Variants in PDE4D observed in about 807,000 individuals in gnomAD.
The protein encoded by PDE4D is 3',5'-cyclic-AMP phosphodiesterase 4D.
PDE4D carries 24 observed loss-of-function variants against 87.4 expected under a neutral mutation model. The ratio of observed to expected loss-of-function variants is 0.27; its 90% CI spans 0.20 to 0.39. The LOEUF (loss-of-function observed/expected upper bound fraction) is 0.39. Among genes scored for constraint, PDE4D ranks in the 10% least tolerant of loss-of-function variants. PDE4D has a pLI of 1.00. For synonymous variants in PDE4D, 384 were observed against 383.2 expected (o/e 1.00, Z -0.02); for missense variants, 714 against 1,041.0 (o/e 0.69, Z 4.32).
chr5:60,139,735 A>G (rs994192261), intron 2 of PDE4D, among the ~76,000 whole-genome samples: 2 of 152,084 alleles, frequency 1.3e-5, no homozygotes, highest in Admixed American at 1.3e-4. Flanking sequence ...GAGTAGTCTA[A>G]GAAGAAAAAT....
At chr5:59,448,871 G>A (rs1798730539) in intron 1 of PDE4D, among the ~76,000 whole-genome samples, 1 of 152,128 alleles carries the variant, frequency 6.6e-6, no homozygotes, top group Admixed American at 6.5e-5. Flanking sequence ...CTGGGCTCAA[G>A]TGATCCTCCC....
chr5:59,360,892 GA>G (rs1562030508), intron 1 of PDE4D, among the ~76,000 whole-genome samples: 1 of 152,072 alleles, frequency 6.6e-6, no homozygotes, highest in Non-Finnish European at 1.5e-5. Context: ...ACTCATATAT[GA>G]CCCAGGACAC....
intron 1 of PDE4D, among the ~76,000 whole-genome samples, chr5:60,448,179 A>C (rs1456624559): frequency 6.6e-6 from 1 of 152,172 alleles, no homozygotes; most frequent in Non-Finnish European, 1.5e-5. Context: ...AATAAAATGC[A>C]ATCAGTCAAT....
intron 5 of PDE4D, among the ~76,000 whole-genome samples, chr5:59,156,512 G>A (rs1387251302): frequency 1.3e-5 from 2 of 151,412 alleles, no homozygotes; most frequent in Middle Eastern, 3.2e-3. Flanking sequence ...CTTGCTGCTG[G>A]CCACTTAGTT....
intron 1 of PDE4D, among the ~76,000 whole-genome samples, chr5:60,272,255 T>C (rs369739575): frequency 3.9e-5 from 6 of 152,324 alleles, no homozygotes; most frequent in African/African-American, 1.4e-4. Context: ...AAGATGACCT[T>C]GAGGGTCCAA....
intron 1 of PDE4D, among the ~76,000 whole-genome samples, chr5:60,468,616 GT>G (rs112499946): frequency 1.2e-4 from 18 of 146,824 alleles, no homozygotes; most frequent in South Asian, 2.2e-4. Flanking sequence ...CTTGCCTTCA[GT>G]TTTTTTTTTT....
intron 1 of PDE4D, among the ~76,000 whole-genome samples, chr5:59,600,279 C>G (rs781083864): frequency 6.6e-6 from 1 of 152,208 alleles, no homozygotes; most frequent in African/African-American, 2.4e-5. Context: ...ACTCAGTTCT[C>G]TCTCTCTTAA....
intron 1 of PDE4D, among the ~76,000 whole-genome samples, chr5:59,254,624 T>C (rs1447539700): frequency 1.3e-5 from 2 of 152,096 alleles, no homozygotes; most frequent in East Asian, 1.9e-4. Context: ...TCTTCTTCTT[T>C]TTTATTTTTT....
chr5:59,565,959 A>T (rs990034737), intron 1 of PDE4D, among the ~76,000 whole-genome samples: 6 of 152,168 alleles, frequency 3.9e-5, no homozygotes, highest in African/African-American at 1.4e-4. Flanking sequence ...TGAAACTGGG[A>T]GTGCTTTTGC....
intron 1 of PDE4D, among the ~76,000 whole-genome samples, chr5:60,255,062 G>T (rs1035534063): frequency 6.6e-6 from 1 of 151,860 alleles, no homozygotes; most frequent in Non-Finnish European, 1.5e-5. Flanking sequence ...CGGCTCAGAA[G>T]TGTCATATTT....
chr5:59,565,494 G>A (rs1820723883), intron 1 of PDE4D, among the ~76,000 whole-genome samples: 1 of 152,156 alleles, frequency 6.6e-6, no homozygotes, highest in East Asian at 1.9e-4. Flanking sequence ...ACTCCAGTCT[G>A]GATGACTGAG....
chr5:59,470,953 G>A (rs1802346174), intron 1 of PDE4D, among the ~76,000 whole-genome samples: 1 of 152,130 alleles, frequency 6.6e-6, no homozygotes, highest in Non-Finnish European at 1.5e-5. Context: ...GCTAAATGGA[G>A]CCGAGTGCAA....
intron 1 of PDE4D, among the ~76,000 whole-genome samples, chr5:59,531,580 C>T (rs59152766): frequency 0.017 from 2,567 of 152,250 alleles, 78 homozygotes; most frequent in East Asian, 0.12. Flanking sequence ...TTCAGGGTTG[C>T]ATTCCTTTCT....
intron 1 of PDE4D, among the ~76,000 whole-genome samples, chr5:59,269,258 A>T (rs1763371522): frequency 6.6e-6 from 1 of 152,130 alleles, no homozygotes; most frequent in African/African-American, 2.4e-5. Context: ...GCATTTCTTT[A>T]CCAACAACCA....
chr5:59,732,192 G>A (rs1351161225), intron 1 of PDE4D, among the ~76,000 whole-genome samples: 1 of 151,850 alleles, frequency 6.6e-6, no homozygotes, highest in Non-Finnish European at 1.5e-5. Context: ...TAGTTCTCTT[G>A]TAATTCATTG....
intron 1 of PDE4D, among the ~76,000 whole-genome samples, chr5:59,256,128 C>T (rs1760923536): frequency 6.6e-6 from 1 of 151,926 alleles, no homozygotes; most frequent in Admixed American, 6.6e-5. Context: ...AAAGAATATC[C>T]CTTAAATTTG....
intron 2 of PDE4D, among the ~76,000 whole-genome samples, chr5:59,213,581 T>A (rs1281431155): frequency 6.6e-6 from 1 of 152,120 alleles, no homozygotes; most frequent in Non-Finnish European, 1.5e-5. Context: ...AAATTCCGCT[T>A]GAACCTAATT....
chr5:60,520,521 T>C (rs939726192), intron 1 of PDE4D, among the ~76,000 whole-genome samples: 2 of 152,316 alleles, frequency 1.3e-5, no homozygotes, highest in Middle Eastern at 3.4e-3. Flanking sequence ...ATTTTCCTCC[T>C]CATTCACTCT....
chr5:60,111,623 T>C (rs970937462), intron 2 of PDE4D, among the ~76,000 whole-genome samples: 13 of 151,988 alleles, frequency 8.6e-5, no homozygotes, highest in African/African-American at 2.9e-4. Flanking sequence ...GCATAAGAAT[T>C]AAAATATAAA....
Sources: allele counts gnomAD v4.1 joint callset (sites outside exome capture counted in the v4.1 genomes callset), GRCh38; gene constraint gnomAD v4.1.1; transcripts MANE v1.5; gene names NCBI Gene and HGNC (gene_info 2026-07-23, HGNC 2026-07-21).